The following SGCZ variants were observed in gnomAD, a reference collection of about 807,000 sequenced individuals.
The protein encoded by SGCZ is sarcoglycan zeta.
SGCZ carries 40 observed loss-of-function variants against 41.3 expected under a neutral mutation model. That is an observed-to-expected ratio of 0.97 (90% CI 0.75 to 1.26). The LOEUF (loss-of-function observed/expected upper bound fraction) is 1.26, where lower values mean the gene tolerates loss of function less well. Ranked by LOEUF, SGCZ falls within the 50% of genes most tolerant of loss-of-function variation. The pLI, the probability that SGCZ is intolerant of heterozygous loss-of-function variation, is 0.00. For missense variants in SGCZ, 552 were observed against 369.8 expected (o/e 1.49, Z -4.04); for synonymous variants, 206 against 137.5 (o/e 1.50, Z -3.49).
chr8:15,067,044 C>T (rs921434597), intron 1 of SGCZ, among the ~76,000 whole-genome samples: 33 of 152,208 alleles, frequency 2.2e-4, no homozygotes, highest in South Asian at 8.3e-4. Context: ...TATGAATACG[C>T]GGTCATACAC....
At position 14,129,016 on chromosome 8, in the gene SGCZ, C is replaced by T. The variant is rs531308277; in HGVS notation, c.548-20781G>A. ...TTAGGTTATATGAGTACGCTAAAAG[C>T]CCAGACTTCACCAATATGCAACACA... On this transcript the variant is annotated intron_variant, in intron 5 of 7. Transcript: ENST00000382080. Among the ~76,000 whole-genome samples the T allele has an allele frequency of 6.6e-5, 10 of 152,060 alleles. No homozygotes were observed. In the South Asian group the frequency reaches 2.1e-3, roughly 32 times the overall value.
intron 1 of SGCZ, among the ~76,000 whole-genome samples, chr8:15,183,278 G>C (rs562168914): frequency 1.3e-5 from 2 of 152,294 alleles, no homozygotes; most frequent in South Asian, 2.1e-4. Flanking sequence ...AATTTTCTAT[G>C]CTAGGCTGTC....
intron 2 of SGCZ, among the ~76,000 whole-genome samples, chr8:14,353,310 G>C (rs1445642504): frequency 6.6e-6 from 1 of 152,022 alleles, no homozygotes; most frequent in Admixed American, 6.6e-5. Context: ...CTCTTTAAAA[G>C]GCATATTTCT....
In SGCZ at chr8:14,906,781, T is replaced by G. The variant is rs1323937144; in HGVS notation, c.39+330804A>C. 2.0e-5 allele frequency among the ~76,000 whole-genome samples: 3 copies of G among 152,336 alleles called. No individual in the cohort carries two copies. The East Asian group carries it at 5.8e-4, about 29-fold the overall frequency. ...ACAATGAGATGCTTACAGTCCTGAT[T>G]AGCTCTAGAAAAGAGCTAGAGCTAG... On this transcript the variant is annotated intron_variant, in intron 1 of 7. Coordinates refer to ENST00000382080, the MANE Select transcript of SGCZ (RefSeq NM_139167.4).
chr8:14,406,847 C>G lies in SGCZ; in HGVS notation c.235-82643G>C, dbSNP rs185089055. Among the ~76,000 whole-genome samples, 103 of 152,174 alleles carry G rather than the reference C, an allele frequency of 6.8e-4. 2 individuals carry two copies. The highest frequency in any genetic ancestry group is 4.5e-3 in the Admixed American group (69 of 15,274). On this transcript the variant is annotated intron_variant, in intron 2 of 7. Transcript: ENST00000382080. ...GCAGCACTGATTCTGAGATGCAGTTCTGTGAAAACTGCGTATAGGGTAGCC... is the reference window on the plus strand; with the variant it reads ...GCAGCACTGATTCTGAGATGCAGTTGTGTGAAAACTGCGTATAGGGTAGCC...
chr8:14,266,809 T>G (rs1219347060), intron 3 of SGCZ, among the ~76,000 whole-genome samples: 1 of 151,914 alleles, frequency 6.6e-6, no homozygotes, highest in African/African-American at 2.4e-5. Context: ...ATGATGAAAC[T>G]TCAGAAACAC....
chr8:14,425,422 A>T (rs1030320960), intron 2 of SGCZ, among the ~76,000 whole-genome samples: 1 of 152,048 alleles, frequency 6.6e-6, no homozygotes, highest in South Asian at 2.1e-4. Flanking sequence ...GGAGTTTGAG[A>T]CCAGTCTGGC....
At chr8:14,796,954 T>C (rs7827386) in intron 1 of SGCZ, among the ~76,000 whole-genome samples, 1 of 152,172 alleles carries the variant, frequency 6.6e-6, no homozygotes, top group African/African-American at 2.4e-5. Context: ...TCTGCCATGA[T>C]TGTAAGTTTC....
chr8:14,989,692 T>C (rs1585443178), intron 1 of SGCZ, among the ~76,000 whole-genome samples: 1 of 152,236 alleles, frequency 6.6e-6, no homozygotes, highest in Non-Finnish European at 1.5e-5. Context: ...TCACCCTCAC[T>C]TGTCAAGGTT....
Position 14,169,445 on chromosome 8 carries a change from A to T in SGCZ, c.425-4743T>A, listed in dbSNP as rs575684394. Among the ~76,000 whole-genome samples the T allele has an allele frequency of 2.0e-5, 3 of 152,200 alleles. No individual in the cohort carries two copies. In the South Asian group the frequency reaches 6.2e-4, roughly 32 times the overall value. ...ATTACCAGTAACTTCCAAGTCAGTA[A>T]ATTAAGGGGCCAATCCTTGATTTTT... On this transcript the variant is annotated intron_variant, in intron 4 of 7. Transcript: ENST00000382080.
chr8:14,792,392 G>C (rs891497903), intron 1 of SGCZ, among the ~76,000 whole-genome samples: 2 of 151,898 alleles, frequency 1.3e-5, no homozygotes, highest in East Asian at 1.9e-4. Flanking sequence ...AAAAGAACTG[G>C]GTGTATTAAG....
At chr8:14,516,071 T>C (rs1252002893) in intron 2 of SGCZ, among the ~76,000 whole-genome samples, 1 of 151,952 alleles carries the variant, frequency 6.6e-6, no homozygotes, top group South Asian at 2.1e-4. Flanking sequence ...TGGACTGATT[T>C]AAAAATGGCA....
intron 1 of SGCZ, among the ~76,000 whole-genome samples, chr8:14,980,185 G>T (rs555706731): frequency 6.6e-6 from 1 of 152,122 alleles, no homozygotes; most frequent in Admixed American, 6.5e-5. Flanking sequence ...GGAAGGAAAC[G>T]ATCACTAGCT....
At chr8:14,293,882 A>G (rs189163533) in intron 3 of SGCZ, among the ~76,000 whole-genome samples, 110 of 151,986 alleles carry the variant, frequency 7.2e-4, no homozygotes, top group Admixed American at 1.5e-3. Flanking sequence ...TACATTCAGG[A>G]GCCAAATCTT....
At chr8:14,243,777 C>G (rs1461334577) in intron 3 of SGCZ, among the ~76,000 whole-genome samples, 3 of 152,132 alleles carry the variant, frequency 2.0e-5, no homozygotes, top group Admixed American at 6.5e-5. Flanking sequence ...CTCTGTGAAG[C>G]CTTTCTACTC....
At chr8:14,230,499 T>A (rs1364083542) in intron 4 of SGCZ, among the ~76,000 whole-genome samples, 1 of 152,104 alleles carries the variant, frequency 6.6e-6, no homozygotes, top group African/African-American at 2.4e-5. Flanking sequence ...TAAGGTCACA[T>A]AGCGGGCAGT....
chr8:14,178,579 T>A (rs1804625014), intron 4 of SGCZ, among the ~76,000 whole-genome samples: 1 of 152,222 alleles, frequency 6.6e-6, no homozygotes, highest in Admixed American at 6.5e-5. Flanking sequence ...TAAGCAAGAC[T>A]AATTTGATAC....
chr8:15,084,602 AT>A (rs1805881732), intron 1 of SGCZ, among the ~76,000 whole-genome samples: 1 of 152,004 alleles, frequency 6.6e-6, no homozygotes, highest in Non-Finnish European at 1.5e-5. Context: ...AAATACAAAA[AT>A]TAGCTGGGCG....
chr8:14,107,749 T>A (rs1802250806), intron 6 of SGCZ, among the ~76,000 whole-genome samples: 1 of 152,104 alleles, frequency 6.6e-6, no homozygotes, highest in South Asian at 2.1e-4. Context: ...AGCAATCCTC[T>A]GGTCTCAGCC....
Sources: gnomAD v4.1 joint callset for allele counts (sites outside exome capture counted in the v4.1 genomes callset) on GRCh38, gnomAD v4.1.1 for gene constraint, MANE v1.5 for transcripts, NCBI Gene and HGNC (gene_info 2026-07-23, HGNC 2026-07-21) for gene names.